SNAPC4: variants seen among roughly 807,000 people sequenced by gnomAD.
The protein encoded by SNAPC4 is snRNA-activating protein complex subunit 4.
In SNAPC4, 127 loss-of-function variants were observed where a neutral mutation model predicts 151.3. The ratio of observed to expected loss-of-function variants is 0.84; its 90% CI spans 0.73 to 0.97. The LOEUF (loss-of-function observed/expected upper bound fraction) is 0.97, where lower values mean the gene tolerates loss of function less well. Ranked by LOEUF, SNAPC4 falls within the 50% of genes least tolerant of loss-of-function variation. SNAPC4 has a pLI of 0.00. For missense variants in SNAPC4, 2,186 were observed against 1,935.0 expected, an observed-to-expected ratio of 1.13 and a Z score of -2.43; for synonymous variants, 1,002 against 824.4, an observed-to-expected ratio of 1.22 and a Z score of -3.69.
intron 1 of SNAPC4, chr9:136,398,819 T>C (rs1427534071): frequency 2.1e-5 from 4 of 191,198 alleles, no homozygotes; most frequent in Non-Finnish European, 4.5e-5. Context: ...GCAAAGTCAC[T>C]ACAGGGCAAG....
chr9:136,385,180 C>T (rs1458499991), intron 13 of SNAPC4, among the ~76,000 whole-genome samples: 1 of 152,176 alleles, frequency 6.6e-6, no homozygotes, highest in African/African-American at 2.4e-5. Context: ...AGTCACCAAC[C>T]ACATGAAAAG....
In SNAPC4 at chr9:136,378,621, G is replaced by A. The variant is rs757836711; in HGVS notation, c.3206C>T (p.Ala1069Val). 59 of 1,560,712 alleles carry A rather than the reference G, an allele frequency of 3.8e-5. No homozygotes were observed. Among genetic ancestry groups the A allele is most frequent in the Non-Finnish European group, 4.3e-6 (5 of 1,156,156 alleles). Reference sequence around the variant, plus strand: ...GGTGACAGGCAGGGGGACACTGGTCGCCACATGTGGCCCTCCTATGTGCGT... The same window carrying A: ...GGTGACAGGCAGGGGGACACTGGTCACCACATGTGGCCCTCCTATGTGCGT... ...SLTHIGGPHV[A>V]TSVPLPVTWV... The change falls in exon 22 of 24, where the codon GCG becomes GTG. Residue 1069 changes from alanine (A) to valine (V), a missense_variant. Transcript: ENST00000684778.
At position 136,377,734 on chromosome 9, in the gene SNAPC4, G is replaced by A. The variant is rs372472067; in HGVS notation, c.4093C>T (p.Arg1365Trp). ...GTGAAGGCTGCCAGGAACCGCGCCCGCAACAGGAGGTAGGCCGGGTTGTCC... is the reference window on the plus strand; with the variant it reads ...GTGAAGGCTGCCAGGAACCGCGCCCACAACAGGAGGTAGGCCGGGTTGTCC... The part of the protein sequence containing the change: ...LQDNPAYLLL[R>W]ARFLAAFTLP... The change falls in exon 22 of 24, where the codon CGG (arginine) becomes TGG (tryptophan). Residue 1365 changes from arginine (R) to tryptophan (W), a missense_variant. Physicochemically the swap from Arg to Trp is moderately radical, Grantham distance 101 (BLOSUM62 -3). Transcript: ENST00000684778. 21 of 1,609,254 alleles carry A rather than the reference G, an allele frequency of 1.3e-5. No homozygotes were observed. The highest frequency in any genetic ancestry group is 2.2e-5 in the East Asian group (1 of 44,750).
intron 10 of SNAPC4, among the ~76,000 whole-genome samples, chr9:136,391,137 T>A (rs1834059788): frequency 2.6e-5 from 4 of 152,294 alleles, no homozygotes; most frequent in African/African-American, 9.6e-5. Context: ...CCCGGCAGAA[T>A]TAAGCATCTT....
At position 136,378,135 on chromosome 9, in the gene SNAPC4, G is replaced by A. The variant is rs749959807; in HGVS notation, c.3692C>T (p.Pro1231Leu). The part of the protein sequence containing the change: ...TPGSPSGTQE[P>L]RGPLGLEKLP... ...CTTCTCCAGGCCCAGAGGCCCCCTGGGCTCCTGTGTCCCTGAGGGGGACCC... is the reference window on the plus strand; with the variant it reads ...CTTCTCCAGGCCCAGAGGCCCCCTGAGCTCCTGTGTCCCTGAGGGGGACCC... The change falls in exon 22 of 24, where the codon CCC (proline) becomes CTC (leucine). Residue 1231 changes from proline (P) to leucine (L), a missense_variant. Pro to Leu is a moderately conservative substitution (Grantham distance 98). Coordinates refer to ENST00000684778, the MANE Select transcript of SNAPC4 (RefSeq NM_003086.4). The A allele has an allele frequency of 2.5e-6, 4 of 1,607,278 alleles. No homozygotes were observed. Among genetic ancestry groups the A allele is most frequent in the Non-Finnish European group, 3.4e-6 (4 of 1,178,038 alleles).
intron 13 of SNAPC4, among the ~76,000 whole-genome samples, chr9:136,385,271 A>G (rs1457082551): frequency 6.6e-6 from 1 of 152,244 alleles, no homozygotes; most frequent in Non-Finnish European, 1.5e-5. Context: ...CTAGAATCAC[A>G]GACAGATCAC....
chr9:136,384,797 T>C lies in SNAPC4; in HGVS notation c.1343A>G (p.His448Arg), dbSNP rs1833834059. The C allele has an allele frequency of 1.3e-6, 2 of 1,590,640 alleles. No individual in the cohort carries two copies. Among genetic ancestry groups the C allele is most frequent in the South Asian group, 1.1e-5 (1 of 87,720 alleles). Residue 448 changes from histidine (H) to arginine (R), a missense_variant, in exon 14 of 24, where the codon CAT (histidine) becomes CGT (arginine). Transcript: ENST00000684778. ...CCACCGACCCTTTTTCAAGCTGAAA[T>C]GTAATCTCCTGAGATACCTGAACGT... The part of the protein sequence containing the change: ...QCRDRYLRRL[H>R]FSLKKGRWNL...
At chr9:136,384,839 A>C (rs1833836601) in intron 13 of SNAPC4, 25 bp from the exon 14 acceptor site, 1 of 1,392,894 alleles carries the variant, frequency 7.2e-7, no homozygotes, top group Admixed American at 2.0e-5. Flanking sequence ...AAAAGCAAAG[A>C]ACGTTTTAGA....
intron 11 of SNAPC4, among the ~76,000 whole-genome samples, chr9:136,388,116 A>G (rs1279437445): frequency 1.3e-5 from 2 of 152,038 alleles, no homozygotes. Context: ...AAAAATACAA[A>G]ATTAGCTGGG....
chr9:136,383,863 C>A lies in SNAPC4; in HGVS notation c.1500+90G>T. On this transcript the variant is annotated intron_variant, in intron 15 of 23. Coordinates refer to ENST00000684778, the MANE Select transcript of SNAPC4 (RefSeq NM_003086.4). This position sits in a 1 kb window ranked among gnomAD's most constrained non-coding sequence, Gnocchi z 4.2. Reference sequence around the variant, plus strand: ...AATGCCAAGACCAGAAACCGAACGCCCCCCTCCCCTCCCCTCCTCCTGCCT... The same window carrying A: ...AATGCCAAGACCAGAAACCGAACGCACCCCTCCCCTCCCCTCCTCCTGCCT... The A allele has an allele frequency of 7.7e-7, 1 of 1,298,484 alleles. No individual in the cohort carries two copies. The highest frequency in any genetic ancestry group is 1.1e-6 in the Non-Finnish European group (1 of 905,988). 80.4% of individuals were successfully genotyped at this position (1,298,484 alleles called of 1,614,324 possible).
chr9:136,392,503 A>G lies in SNAPC4; in HGVS notation c.810+19T>C, dbSNP rs760567297. 1.2e-6 allele frequency: 2 copies of G among 1,612,124 alleles called. No homozygotes were observed. Among genetic ancestry groups the G allele is most frequent in the East Asian group, 4.5e-5 (2 of 44,882 alleles). ...CTGTGCTCCAAGCTGCTTGGGGCTCAGACCTGCCCCTGACTTACGTTAATA... is the reference window on the plus strand; with the variant it reads ...CTGTGCTCCAAGCTGCTTGGGGCTCGGACCTGCCCCTGACTTACGTTAATA... On this transcript the variant is annotated intron_variant, in intron 9 of 23. Coordinates refer to ENST00000684778, the MANE Select transcript of SNAPC4 (RefSeq NM_003086.4).
rs1833798351 is a variant in SNAPC4 at position 136,383,855 on chromosome 9, C to A, written c.1500+98G>T. On this transcript the variant is annotated intron_variant, in intron 15 of 23. Transcript: ENST00000684778. This position sits in a 1 kb window ranked among gnomAD's most constrained non-coding sequence, Gnocchi z 4.2. Reference sequence around the variant, plus strand: ...GAAGAAGAAATGCCAAGACCAGAAACCGAACGCCCCCCTCCCCTCCCCTCC... The same window carrying A: ...GAAGAAGAAATGCCAAGACCAGAAAACGAACGCCCCCCTCCCCTCCCCTCC... The A allele has an allele frequency of 1.5e-6, 2 of 1,333,198 alleles. No homozygotes were observed. The highest frequency in any genetic ancestry group is 1.2e-5 in the South Asian group (1 of 82,116). The allele number at this position is 1,333,198 out of a possible 1,614,324, so 82.6% of individuals were successfully genotyped here.
At chr9:136,387,008 G>C (rs1466954584) in intron 13 of SNAPC4, among the ~76,000 whole-genome samples, 1 of 152,190 alleles carries the variant, frequency 6.6e-6, no homozygotes, top group Non-Finnish European at 1.5e-5. Context: ...ACCTCCCAAA[G>C]TACTGGGATT....
chr9:136,384,113 G>T, intron 14 of SNAPC4, 81 bp from the exon 15 acceptor site: 1 of 1,214,440 alleles, frequency 8.2e-7, no homozygotes, highest in Non-Finnish European at 1.2e-6. Flanking sequence ...CAGGAGACTC[G>T]CCGTGGCCCC....
Position 136,378,127 on chromosome 9 carries a change from G to A in SNAPC4, c.3700C>T (p.Pro1234Ser). 6.2e-7 allele frequency: 1 copy of A among 1,604,348 alleles called. No individual in the cohort carries two copies. The highest frequency in any genetic ancestry group is 8.5e-7 in the Non-Finnish European group (1 of 1,176,696). ...AGGGGCAGCTTCTCCAGGCCCAGAGGCCCCCTGGGCTCCTGTGTCCCTGAG... is the reference window on the plus strand; with the variant it reads ...AGGGGCAGCTTCTCCAGGCCCAGAGACCCCCTGGGCTCCTGTGTCCCTGAG... ...SPSGTQEPRG[P>S]LGLEKLPLRQ... Residue 1234 changes from proline (P) to serine (S), a missense_variant, in exon 22 of 24, where the codon CCT becomes TCT. Pro to Ser is a moderately conservative substitution (Grantham distance 74). Coordinates refer to ENST00000684778, the MANE Select transcript of SNAPC4 (RefSeq NM_003086.4).
chr9:136,397,102 G>T, intron 2 of SNAPC4, 79 bp from the exon 3 acceptor site: 1 of 1,234,392 alleles, frequency 8.1e-7, no homozygotes, highest in Non-Finnish European at 1.2e-6. Context: ...ACTGCTTCTT[G>T]GGCAGACCTG....
rs374926526 is a variant in SNAPC4, at chr9:136,378,912, G to A, written c.2915C>T (p.Ala972Val). The A allele has an allele frequency of 6.2e-7, 1 of 1,611,094 alleles. No individual in the cohort carries two copies. Among genetic ancestry groups the A allele is most frequent in the Non-Finnish European group, 8.5e-7 (1 of 1,179,534 alleles). Residue 972 changes from alanine (A) to valine (V), a missense_variant, in exon 22 of 24, where the codon GCT becomes GTT. By Grantham distance (64) the Ala-to-Val change is moderately conservative (BLOSUM62 0). Coordinates refer to ENST00000684778, the MANE Select transcript of SNAPC4 (RefSeq NM_003086.4). ...TCTCTTGTCCTTGGCTGAAGTCCCAGCCTCCTGCCAGGAGCCAGAAGTGCC... is the reference window on the plus strand; with the variant it reads ...TCTCTTGTCCTTGGCTGAAGTCCCAACCTCCTGCCAGGAGCCAGAAGTGCC... ...KPGTSGSWQE[A>V]GTSAKDKRLS... is the part of the protein sequence containing the mutation.
intron 10 of SNAPC4, among the ~76,000 whole-genome samples, chr9:136,389,937 C>T (rs1249565869): frequency 1.3e-5 from 2 of 152,130 alleles, no homozygotes; most frequent in Non-Finnish European, 2.9e-5. Context: ...AAAGTGCTGG[C>T]GTCACGCTTT....
At chr9:136,381,730 A>G (rs976972927) in intron 18 of SNAPC4, 94 bp downstream of exon 18, 1 of 1,483,340 alleles carries the variant, frequency 6.7e-7, no homozygotes, top group Non-Finnish European at 9.1e-7. Flanking sequence ...TGCTGAGGCC[A>G]CTTCCCCAAG....
Sources: allele counts gnomAD v4.1 joint callset (sites outside exome capture counted in the v4.1 genomes callset), GRCh38; gene constraint gnomAD v4.1.1; non-coding constraint Gnocchi (gnomAD v3.1); transcripts MANE v1.5; gene names NCBI Gene and HGNC (gene_info 2026-07-23, HGNC 2026-07-21).